Variants in VCAN observed in about 807,000 individuals in gnomAD.
VCAN encodes the protein versican core protein.
A neutral mutation model predicts 245.5 loss-of-function variants in VCAN; 44 were observed. The observed-to-expected ratio is 0.18, with a 90% CI of 0.14 to 0.23. The LOEUF is 0.23. Among genes scored for constraint, VCAN ranks in the 10% least tolerant of loss-of-function variants. VCAN has a pLI of 1.00. For missense variants in VCAN, 3,793 were observed against 4,057.9 expected (o/e 0.93, Z 1.77); for synonymous variants, 1,413 against 1,437.0 (o/e 0.98, Z 0.38).
chr5:83,503,115 C>A (rs895394243), intron 5 of VCAN, among the ~76,000 whole-genome samples: 1 of 152,042 alleles, frequency 6.6e-6, no homozygotes, highest in African/African-American at 2.4e-5. Context: ...GTTAACCAAT[C>A]CATGTGCAGC....
At position 83,539,945 on chromosome 5, in the gene VCAN, C is replaced by T. The variant is rs867330334; in HGVS notation, c.6942C>T (p.Leu2314=). The T allele has an allele frequency of 6.8e-6, 11 of 1,614,082 alleles. No individual in the cohort carries two copies. The highest frequency in any genetic ancestry group is 1.6e-4 in the Middle Eastern group (1 of 6,062). Residue 2314 remains leucine, a synonymous_variant, in exon 8 of 15, where the codon CTC becomes CTT. Coordinates refer to ENST00000265077, the MANE Select transcript of VCAN (RefSeq NM_004385.5). ...ATGTGGCAAAAGAAGTTGGACCACT[C>T]GTATCTCAAACAGACATCTTTGAAG... is the stretch of plus-strand genomic sequence containing the variant. ...MENVAKEVGP[L]VSQTDIFEGS...
intron 12 of VCAN, among the ~76,000 whole-genome samples, chr5:83,556,962 T>C (rs1017716597): frequency 2.0e-4 from 30 of 152,248 alleles, no homozygotes; most frequent in Admixed American, 1.2e-3. Flanking sequence ...GAATTTCCCT[T>C]ATTTATAGCC....
chr5:83,560,719 G>A (rs1041908049), intron 12 of VCAN, among the ~76,000 whole-genome samples: 1 of 152,120 alleles, frequency 6.6e-6, no homozygotes, highest in Non-Finnish European at 1.5e-5. Flanking sequence ...CCAACAAGTG[G>A]TTTAAAATCA....
chr5:83,484,378 A>C (rs1744721085), intron 2 of VCAN, among the ~76,000 whole-genome samples: 2 of 151,624 alleles, frequency 1.3e-5, no homozygotes. Context: ...TCTGTCCAAA[A>C]TCTTTCCATC....
intron 12 of VCAN, among the ~76,000 whole-genome samples, chr5:83,559,256 TTAAA>T (rs1399198956): frequency 1.3e-5 from 2 of 152,164 alleles, no homozygotes; most frequent in Non-Finnish European, 2.9e-5. Flanking sequence ...AAACCAACTG[TTAAA>T]TGAATGACTA....
At chr5:83,562,593 A>G (rs961029787) in intron 12 of VCAN, among the ~76,000 whole-genome samples, 1 of 152,146 alleles carries the variant, frequency 6.6e-6, no homozygotes, top group Non-Finnish European at 1.5e-5. Context: ...TGCAACTTTA[A>G]AATCTCATGC....
chr5:83,551,310 A>G (rs1390460695), intron 10 of VCAN, among the ~76,000 whole-genome samples: 1 of 152,176 alleles, frequency 6.6e-6, no homozygotes. Context: ...CAGGTGTTCA[A>G]GACCAGCCTG....
At chr5:83,491,186 A>G (rs1426141634) in intron 3 of VCAN, among the ~76,000 whole-genome samples, 1 of 152,202 alleles carries the variant, frequency 6.6e-6, no homozygotes, top group Non-Finnish European at 1.5e-5. Context: ...GTTAGGAGAC[A>G]AAGCAAAGAA....
intron 7 of VCAN, among the ~76,000 whole-genome samples, chr5:83,525,211 G>T (rs370889244): frequency 6.6e-6 from 1 of 151,802 alleles, no homozygotes; most frequent in Admixed American, 6.6e-5. Context: ...GCTCATAAAA[G>T]TTTTATGAGC....
chr5:83,539,066 T>G lies in VCAN; in HGVS notation c.6063T>G (p.Ser2021=). 6.2e-7 allele frequency: 1 copy of G among 1,614,016 alleles called. No individual in the cohort carries two copies. The highest frequency in any genetic ancestry group is 8.5e-7 in the Non-Finnish European group (1 of 1,179,968). The stretch of plus-strand genomic sequence containing the variant: ...AGCAACTGGTCACAGTCAGCAGCTC[T>G]GTTGTTCCAGTGCTTCCCAGTGCTG... ...SGEQLVTVSS[S]VVPVLPSAVQ... Residue 2021 remains serine (S), a synonymous_variant, in exon 8 of 15, where the codon TCT becomes TCG. Transcript: ENST00000265077.
chr5:83,553,589 G>A (rs1747555332), intron 11 of VCAN, 67 bp downstream of exon 11: 5 of 1,604,486 alleles, frequency 3.1e-6, no homozygotes, highest in Non-Finnish European at 4.3e-6. Flanking sequence ...TTTTGTCTGT[G>A]TGCAAGTGAA....
intron 5 of VCAN, among the ~76,000 whole-genome samples, chr5:83,507,662 T>G (rs1366756907): frequency 6.6e-6 from 1 of 152,240 alleles, no homozygotes; most frequent in Admixed American, 6.5e-5. Flanking sequence ...AGGCATTAGA[T>G]GTTATCTTTG....
rs1414193557 is a variant in VCAN at position 83,537,537 on chromosome 5, A to T, written c.4534A>T (p.Ser1512Cys). The T allele has an allele frequency of 1.2e-6, 2 of 1,613,806 alleles. No homozygotes were observed. Among genetic ancestry groups the T allele is most frequent in the East Asian group, 4.5e-5 (2 of 44,872 alleles). The change falls in exon 8 of 15, where the codon AGT becomes TGT. Residue 1512 changes from serine to cysteine, a missense_variant. By Grantham distance (112) the Ser-to-Cys change is moderately radical. Around this residue, in one of 5 missense-constraint regions of VCAN, gnomAD observed 3,182 missense variants for 3,250.3 expected, o/e 0.98. Transcript: ENST00000265077. ...PTVPFHEEFE[S>C]GTAKKGAESV... ...AGTCCCATTCCATGAGGAATTTGAA[A>T]GTGGAACAGCCAAAAAAGGGGCAGA...
intron 12 of VCAN, among the ~76,000 whole-genome samples, chr5:83,555,299 AT>A (rs1395599991): frequency 6.6e-6 from 1 of 152,190 alleles, no homozygotes; most frequent in Non-Finnish European, 1.5e-5. Flanking sequence ...AATTAGTAGA[AT>A]TGCCTTGGGT....
intron 12 of VCAN, among the ~76,000 whole-genome samples, chr5:83,560,603 A>G (rs1397319992): frequency 6.6e-6 from 1 of 152,156 alleles, no homozygotes; most frequent in Non-Finnish European, 1.5e-5. Context: ...GATTTTCACA[A>G]CACTGTTTTC....
At chr5:83,498,784 A>T (rs1022420731) in intron 5 of VCAN, among the ~76,000 whole-genome samples, 2 of 152,202 alleles carry the variant, frequency 1.3e-5, no homozygotes, top group Non-Finnish European at 2.9e-5. Flanking sequence ...TTTGGTTGTC[A>T]CAAATAGTCC....
intron 1 of VCAN, among the ~76,000 whole-genome samples, chr5:83,472,802 C>T (rs1744243039): frequency 6.6e-6 from 1 of 152,156 alleles, no homozygotes; most frequent in Admixed American, 6.5e-5. Context: ...GTTGGAGCCC[C>T]GCGGAGGTCT....
chr5:83,528,158 A>T (rs1229265198), intron 7 of VCAN, among the ~76,000 whole-genome samples: 1 of 152,260 alleles, frequency 6.6e-6, no homozygotes, highest in Non-Finnish European at 1.5e-5. Flanking sequence ...CATACTAAAC[A>T]TATAGTTACA....
At position 83,545,795 on chromosome 5, in the gene VCAN, A is replaced by G. The variant is rs539622839; in HGVS notation, c.9379+145A>G. 5.6e-5 allele frequency: 42 copies of G among 753,502 alleles called. No homozygotes were observed. The South Asian group carries it at 6.3e-4, about 11-fold the overall frequency. The allele number at this position is 753,502 out of a possible 1,614,324, so 46.7% of individuals were successfully genotyped here. ...TTAAATGAAGTTAAAATCTGAGGGT[A>G]ATTAACTAGGGGCTGGAAAATGGGT... On this transcript the variant is annotated intron_variant, in intron 9 of 14. Transcript: ENST00000265077.
Sources: allele counts gnomAD v4.1 joint callset (sites outside exome capture counted in the v4.1 genomes callset), GRCh38; gene constraint gnomAD v4.1.1; regional missense constraint gnomAD v4.1.1; transcripts MANE v1.5; gene names NCBI Gene and HGNC (gene_info 2026-07-23, HGNC 2026-07-21).